Variants in ZNF292 observed in about 807,000 individuals in gnomAD.
ZNF292 encodes the protein 16 zinc-finger domain protein.
Under a neutral mutation model 217.9 loss-of-function variants are expected in ZNF292, and 26 were observed. That is an observed-to-expected ratio of 0.12 (90% CI 0.09 to 0.17). The LOEUF is 0.17. Among genes scored for constraint, ZNF292 ranks in the 10% least tolerant of loss-of-function variants. The pLI, the probability that ZNF292 is intolerant of heterozygous loss-of-function variation, is 1.00. For missense variants in ZNF292, 2,904 were observed against 3,175.2 expected (o/e 0.91, Z 2.05); for synonymous variants, 1,257 against 1,124.1 (o/e 1.12, Z -2.37).
intron 1 of ZNF292, among the ~76,000 whole-genome samples, chr6:87,168,885 T>C (rs1395628178): frequency 6.6e-6 from 1 of 152,138 alleles, no homozygotes; most frequent in Non-Finnish European, 1.5e-5. Flanking sequence ...AATCCCCAGA[T>C]GCTCAAGTCC....
chr6:87,260,451 C>T lies in ZNF292; in HGVS notation c.6822C>T (p.Leu2274=), dbSNP rs762069570. ...TATATGCAACCCGGTCGAATCTCCT[C>T]CGACACATTTTTAATAAGCATAATG... The part of the protein sequence containing the change: ...DRIYATRSNL[L]RHIFNKHNDK... Residue 2274 remains leucine (L), a synonymous_variant, in exon 8 of 8, where the codon CTC becomes CTT. Coordinates refer to ENST00000369577, the MANE Select transcript of ZNF292 (RefSeq NM_015021.3). 5.0e-6 allele frequency: 8 copies of T among 1,613,588 alleles called. No individual in the cohort carries two copies. Among genetic ancestry groups the T allele is most frequent in the Non-Finnish European group, 5.9e-6 (7 of 1,179,708 alleles).
At chr6:87,245,794 A>G (rs747322820) in intron 7 of ZNF292, 150 bp downstream of exon 7, 21 of 556,186 alleles carry the variant, frequency 3.8e-5, no homozygotes, top group Middle Eastern at 4.8e-4. Context: ...CCTTTAAGAT[A>G]TTTGATACAG....
chr6:87,239,718 C>G (rs1278303763), intron 5 of ZNF292, among the ~76,000 whole-genome samples: 6 of 112,834 alleles, frequency 5.3e-5, no homozygotes, highest in Admixed American at 1.8e-4. Context: ...CAGACGGGGT[C>G]GCGGCTGGGC....
intron 4 of ZNF292, among the ~76,000 whole-genome samples, chr6:87,225,290 T>G (rs1773292014): frequency 6.6e-6 from 1 of 152,204 alleles, no homozygotes; most frequent in African/African-American, 2.4e-5. Flanking sequence ...TTTGCAAATC[T>G]TTTCTTTCCC....
chr6:87,162,198 C>T (rs1385698679), intron 1 of ZNF292, among the ~76,000 whole-genome samples: 1 of 152,122 alleles, frequency 6.6e-6, no homozygotes, highest in Non-Finnish European at 1.5e-5. Flanking sequence ...TCTTCATTAC[C>T]TTTGTTAGCC....
rs200520906 is a variant in ZNF292 at position 87,177,325 on chromosome 6, C to CAA, written c.168+21581_168+21582dup. Among the ~76,000 whole-genome samples the CAA allele has an allele frequency of 3.0e-3, 360 of 121,530 alleles. 1 individual carries two copies. The highest frequency in any genetic ancestry group is 0.023 in the South Asian group (87 of 3,776). 79.7% of individuals were successfully genotyped at this position (121,530 alleles called of 152,430 possible). A position where few individuals can be genotyped will look rare whatever the true frequency, so the allele number is the denominator to read the frequency against. On this transcript the variant is annotated intron_variant, in intron 1 of 7. Transcript: ENST00000369577. The stretch of plus-strand genomic sequence containing the variant: ...CTGGGTGACAAGCGAAACTCCATCT[C>CAA]AAAAAAAAAAAAAAAATGTTTTGAA...
At chr6:87,238,057 A>T (rs144127865) in intron 5 of ZNF292, among the ~76,000 whole-genome samples, 9 of 152,334 alleles carry the variant, frequency 5.9e-5, no homozygotes, top group African/African-American at 2.2e-4. Flanking sequence ...CAAGTACACC[A>T]TGAAAATTGT....
intron 4 of ZNF292, among the ~76,000 whole-genome samples, chr6:87,227,395 C>G (rs1016316772): frequency 1.3e-5 from 2 of 151,468 alleles, no homozygotes; most frequent in Non-Finnish European, 2.9e-5. Flanking sequence ...TTTTTTTGAC[C>G]AACAATGCTG....
At chr6:87,169,545 A>C in intron 1 of ZNF292, 1 of 290,426 alleles carries the variant, frequency 3.4e-6, no homozygotes, top group East Asian at 1.0e-4. Context: ...TGATTTACCA[A>C]AGTTGATTGA....
rs763932063 is a variant in ZNF292 at position 87,254,737 on chromosome 6, T to C, written c.1108T>C (p.Ser370Pro). Residue 370 changes from serine to proline, a missense_variant, in exon 8 of 8, where the codon TCT becomes CCT. Ser to Pro is a moderately conservative substitution (Grantham distance 74). This residue lies in a region of ZNF292 where 313 missense variants were observed against 451.0 expected (regional missense o/e 0.69). Transcript: ENST00000369577. The stretch of plus-strand genomic sequence containing the variant: ...TACAGAAAATACTGAAGTGAAAATA[T>C]CTATTTGCAAGACCATTTCATGTTT... ...ESTENTEVKI[S>P]ICKTISCLLP... 1 of 1,613,942 alleles carries C rather than the reference T, an allele frequency of 6.2e-7. No individual in the cohort carries two copies. Among genetic ancestry groups the C allele is most frequent in the South Asian group, 1.1e-5 (1 of 91,088 alleles).
At chr6:87,245,410 C>A (rs1259591279) in intron 6 of ZNF292, 93 bp from the exon 7 acceptor site, 4 of 931,876 alleles carry the variant, frequency 4.3e-6, no homozygotes, top group Non-Finnish European at 6.2e-6. Flanking sequence ...GAATATAAAA[C>A]CAGTTTTAAT....
chr6:87,244,378 C>T (rs940229166), intron 6 of ZNF292, among the ~76,000 whole-genome samples: 3 of 152,214 alleles, frequency 2.0e-5, no homozygotes, highest in Admixed American at 6.5e-5. Context: ...AGTATTTATC[C>T]AGGACAAGTG....
At chr6:87,253,271 G>C (rs1183396749) in intron 7 of ZNF292, among the ~76,000 whole-genome samples, 1 of 143,920 alleles carries the variant, frequency 6.9e-6, no homozygotes, top group African/African-American at 2.6e-5. Flanking sequence ...TGTCATGCAG[G>C]CTGGATTGTT....
chr6:87,236,408 A>G (rs1224030666), intron 5 of ZNF292, among the ~76,000 whole-genome samples: 3 of 145,458 alleles, frequency 2.1e-5, no homozygotes, highest in Non-Finnish European at 4.5e-5. Context: ...TTTTTTTTAA[A>G]AAAGAAAAGA....
intron 1 of ZNF292, among the ~76,000 whole-genome samples, chr6:87,188,112 G>A (rs1402760537): frequency 6.6e-6 from 1 of 152,170 alleles, no homozygotes; most frequent in Admixed American, 6.5e-5. Context: ...AAACATGCCT[G>A]GGGAATTTAT....
chr6:87,207,497 G>A (rs1034665822), intron 1 of ZNF292, among the ~76,000 whole-genome samples: 11 of 151,870 alleles, frequency 7.2e-5, no homozygotes, highest in African/African-American at 2.4e-4. Flanking sequence ...TAACTTTATT[G>A]CGTTTTATTC....
chr6:87,254,235 G>A (rs890502544), intron 7 of ZNF292, among the ~76,000 whole-genome samples: 3 of 152,154 alleles, frequency 2.0e-5, no homozygotes, highest in Admixed American at 6.5e-5. Context: ...GTTACAATAA[G>A]GATGACATTT....
In ZNF292 at chr6:87,259,680, G is replaced by A. The variant is rs1775448185; in HGVS notation, c.6051G>A (p.Lys2017=). 1 of 1,594,342 alleles carries A rather than the reference G, an allele frequency of 6.3e-7. No individual in the cohort carries two copies. Among genetic ancestry groups the A allele is most frequent in the Non-Finnish European group, 8.5e-7 (1 of 1,169,996 alleles). ...TAGCTATGACAGAGGAAAATAAAAA[G>A]GAATCTCAGCCTGCTTTAGAATTGA... ...KQLAMTEENK[K]ESQPALELRA... The change falls in exon 8 of 8, where the codon AAG becomes AAA. Residue 2017 remains lysine (K), a synonymous_variant. Transcript: ENST00000369577.
intron 4 of ZNF292, among the ~76,000 whole-genome samples, chr6:87,227,095 T>G (rs1773394411): frequency 6.6e-6 from 1 of 152,240 alleles, no homozygotes; most frequent in Non-Finnish European, 1.5e-5. Flanking sequence ...AGTTCATCTA[T>G]GATATGAAAT....
Sources: gnomAD v4.1 joint callset for allele counts (sites outside exome capture counted in the v4.1 genomes callset) on GRCh38, gnomAD v4.1.1 for gene constraint, gnomAD v4.1.1 regional missense constraint, MANE v1.5 for transcripts, NCBI Gene and HGNC (gene_info 2026-07-23, HGNC 2026-07-21) for gene names.